COG5: variants seen among roughly 807,000 people sequenced by gnomAD.
COG5 encodes component of oligomeric golgi complex 5, also known as conserved oligomeric Golgi complex subunit 5.
In COG5, 86 loss-of-function variants were observed where a neutral mutation model predicts 110.4. That is an observed-to-expected ratio of 0.78 (90% CI 0.65 to 0.93). The LOEUF (loss-of-function observed/expected upper bound fraction) is 0.93, where lower values mean the gene tolerates loss of function less well. COG5 is among the 40% of genes least tolerant of loss of function. The probability of loss-of-function intolerance (pLI) is 0.00; values close to 1 mark genes in which losing one functional copy is unlikely to be tolerated. For missense variants in COG5, 1,077 were observed against 987.0 expected (o/e 1.09, Z -1.22); for synonymous variants, 360 against 334.6 (o/e 1.08, Z -0.83).
intron 19 of COG5, among the ~76,000 whole-genome samples, chr7:107,214,858 T>C (rs1317006144): frequency 1.3e-5 from 2 of 151,056 alleles, no homozygotes; most frequent in African/African-American, 2.4e-5. Flanking sequence ...GAGGTGGTGG[T>C]TGTAGTGAGC....
At chr7:107,538,748 G>T (rs1422212794) in intron 5 of COG5, among the ~76,000 whole-genome samples, 1 of 134,848 alleles carries the variant, frequency 7.4e-6, no homozygotes, top group South Asian at 2.2e-4. Context: ...ATATACCCAA[G>T]AATTGAAAAA....
intron 19 of COG5, among the ~76,000 whole-genome samples, chr7:107,223,871 G>A (rs1391017156): frequency 6.6e-6 from 1 of 152,186 alleles, no homozygotes; most frequent in Non-Finnish European, 1.5e-5. Flanking sequence ...GTGCTGTGAG[G>A]GCTAAATGAG....
chr7:107,226,313 G>T (rs1404974391), intron 19 of COG5, among the ~76,000 whole-genome samples: 1 of 152,156 alleles, frequency 6.6e-6, no homozygotes, highest in African/African-American at 2.4e-5. Flanking sequence ...GTCTAACTTG[G>T]ATGATGCCTA....
At chr7:107,384,530 A>G (rs1311904102) in intron 7 of COG5, among the ~76,000 whole-genome samples, 1 of 152,158 alleles carries the variant, frequency 6.6e-6, no homozygotes, top group Non-Finnish European at 1.5e-5. Context: ...CTTTTCCCCC[A>G]GTAAAACTGT....
At chr7:107,561,356 T>C (rs908718940) in intron 1 of COG5, among the ~76,000 whole-genome samples, 1 of 152,068 alleles carries the variant, frequency 6.6e-6, no homozygotes, top group African/African-American at 2.4e-5. Flanking sequence ...CTCAGGAATG[T>C]TGGGGGTGGA....
rs1232257063 is a variant in COG5 at position 107,486,812 on chromosome 7, A to G, written c.538+40425T>C. On this transcript the variant is annotated intron_variant, in intron 6 of 21. Coordinates refer to ENST00000297135, the MANE Select transcript of COG5 (RefSeq NM_006348.5). ...ATTAAGTAGTGTTGGAAAAGTAACT[A>G]AACAATGGAAAAACAGGGTTTAATG... is the stretch of plus-strand genomic sequence containing the variant. 2.6e-5 allele frequency among the ~76,000 whole-genome samples: 4 copies of G among 152,306 alleles called. No homozygotes were observed. The South Asian group carries it at 8.3e-4, about 32-fold the overall frequency.
At chr7:107,321,671 G>A (rs1809302029) in intron 11 of COG5, among the ~76,000 whole-genome samples, 1 of 152,124 alleles carries the variant, frequency 6.6e-6, no homozygotes, top group Admixed American at 6.6e-5. Flanking sequence ...TCAATAGGCA[G>A]AGAATAATGT....
intron 10 of COG5, among the ~76,000 whole-genome samples, chr7:107,341,277 T>C (rs1811149767): frequency 6.6e-6 from 1 of 152,078 alleles, no homozygotes; most frequent in South Asian, 2.1e-4. Context: ...CCATTTACAA[T>C]AGCCACACAC....
chr7:107,457,939 C>T (rs539116549), intron 6 of COG5, among the ~76,000 whole-genome samples: 43 of 152,086 alleles, frequency 2.8e-4, no homozygotes, highest in African/African-American at 9.2e-4. Context: ...AATTACACCA[C>T]GGTACATCAC....
intron 5 of COG5, among the ~76,000 whole-genome samples, chr7:107,534,401 T>C (rs1399572901): frequency 6.6e-6 from 1 of 151,542 alleles, no homozygotes; most frequent in Non-Finnish European, 1.5e-5. Context: ...CCCATTCATG[T>C]GATGAATTCA....
At chr7:107,406,700 T>C (rs1191736902) in intron 7 of COG5, among the ~76,000 whole-genome samples, 1 of 152,202 alleles carries the variant, frequency 6.6e-6, no homozygotes, top group East Asian at 1.9e-4. Context: ...TATCCAACCC[T>C]ATTGAAGATA....
At chr7:107,220,413 A>G (rs1454377496) in intron 19 of COG5, among the ~76,000 whole-genome samples, 2 of 152,302 alleles carry the variant, frequency 1.3e-5, no homozygotes, top group South Asian at 2.1e-4. Context: ...TTATTTTCAC[A>G]TGGTGTGACC....
chr7:107,478,727 G>A (rs1393379916), intron 6 of COG5, among the ~76,000 whole-genome samples: 14 of 151,910 alleles, frequency 9.2e-5, no homozygotes, highest in Non-Finnish European at 2.1e-4. Flanking sequence ...GTGGTCTTGG[G>A]ATGTATACCT....
rs746011817 is a variant in COG5 at position 107,563,897 on chromosome 7, G to A, written c.-1C>T. 17 of 1,613,598 alleles carry A rather than the reference G, an allele frequency of 1.1e-5. No individual in the cohort carries two copies. The Admixed American group carries it at 1.3e-4, about 13-fold the overall frequency. ...CGACGCTGCCGCCGCCACCTTCCAT[G>A]TTGGCAGGTGCCGGGTTGATGTCGT... On this transcript the variant is annotated 5_prime_UTR_variant, in exon 1 of 22. Coordinates refer to ENST00000297135, the MANE Select transcript of COG5 (RefSeq NM_006348.5).
intron 2 of COG5, among the ~76,000 whole-genome samples, chr7:107,555,613 ATCAC>A (rs1468525603): frequency 6.6e-6 from 1 of 152,208 alleles, no homozygotes; most frequent in Non-Finnish European, 1.5e-5. Context: ...ATTCTCCTTT[ATCAC>A]TAGTAATACT....
intron 14 of COG5, among the ~76,000 whole-genome samples, chr7:107,280,831 TAA>T (rs1186242211): frequency 6.6e-6 from 1 of 151,952 alleles, no homozygotes; most frequent in East Asian, 1.9e-4. Context: ...AAAAAGTAAA[TAA>T]ACATTTTTCT....
chr7:107,521,467 C>A (rs897212861), intron 6 of COG5, among the ~76,000 whole-genome samples: 5 of 152,048 alleles, frequency 3.3e-5, no homozygotes, highest in Non-Finnish European at 5.9e-5. Flanking sequence ...CAAAAAATCA[C>A]AAAGTGGGCA....
At chr7:107,398,881 A>G (rs569220047) in intron 7 of COG5, among the ~76,000 whole-genome samples, 2 of 152,286 alleles carry the variant, frequency 1.3e-5, no homozygotes, top group South Asian at 4.1e-4. Flanking sequence ...AAAACTGGTT[A>G]TGAGATGGTT....
chr7:107,544,597 C>G (rs893228665), intron 5 of COG5, among the ~76,000 whole-genome samples: 1 of 152,190 alleles, frequency 6.6e-6, no homozygotes, highest in African/African-American at 2.4e-5. Flanking sequence ...CAGCAGTAAG[C>G]CTGCCCACAG....
Sources: allele counts gnomAD v4.1 joint callset (sites outside exome capture counted in the v4.1 genomes callset), GRCh38; gene constraint gnomAD v4.1.1; transcripts MANE v1.5; gene names NCBI Gene and HGNC (gene_info 2026-07-23, HGNC 2026-07-21).